Variants in CCT3 observed in about 807,000 individuals in gnomAD.
CCT3 encodes chaperonin containing TCP1 subunit 3, also known as T-complex protein 1 subunit gamma.
A neutral mutation model predicts 65.3 loss-of-function variants in CCT3; 10 were observed. The observed-to-expected ratio is 0.15, with a 90% CI of 0.09 to 0.26. CCT3 has a LOEUF of 0.26. Among genes scored for constraint, CCT3 ranks in the 10% least tolerant of loss-of-function variants. The pLI, the probability that CCT3 is intolerant of heterozygous loss-of-function variation, is 1.00. For synonymous variants in CCT3, 225 were observed against 242.3 expected (o/e 0.93, Z 0.66); for missense variants, 626 against 708.7 (o/e 0.88, Z 1.33).
chr1:156,332,889 C>G (rs918770055), intron 5 of CCT3: 1 of 152,478 alleles, frequency 6.6e-6, no homozygotes, highest in African/African-American at 2.4e-5. Context: ...TGAAGACAAA[C>G]ACATACAATA....
At chr1:156,310,846 AATAGACT>A in intron 12 of CCT3, 97 bp downstream of exon 12, 1 of 1,485,508 alleles carries the variant, frequency 6.7e-7, no homozygotes, top group Middle Eastern at 1.8e-4. Context: ...GATTTCAAGG[AATAGACT>A]ATAAAGAGAA....
intron 5 of CCT3, among the ~76,000 whole-genome samples, chr1:156,328,804 T>A (rs374511726): frequency 1.3e-5 from 2 of 151,908 alleles, no homozygotes; most frequent in Non-Finnish European, 2.9e-5. Context: ...ACTATTGTCC[T>A]ATGACCCTGC....
chr1:156,331,220 G>A (rs1330407943), intron 5 of CCT3, among the ~76,000 whole-genome samples: 1 of 151,998 alleles, frequency 6.6e-6, no homozygotes, highest in Non-Finnish European at 1.5e-5. Context: ...GACACAGCAA[G>A]ACTCCATCTC....
At chr1:156,337,862 G>A in intron 1 of CCT3, 1 of 502,422 alleles carries the variant, frequency 2.0e-6, no homozygotes, top group Non-Finnish European at 3.5e-6. Flanking sequence ...GGGCGCAGGG[G>A]CGGGGGAAGC....
At chr1:156,331,276 C>A (rs1262077220) in intron 5 of CCT3, among the ~76,000 whole-genome samples, 4 of 151,772 alleles carry the variant, frequency 2.6e-5, no homozygotes, top group African/African-American at 4.8e-5. Flanking sequence ...ATTGCTTGAG[C>A]CCAGGAGTTT....
At chr1:156,334,831 A>T in intron 3 of CCT3, 37 bp downstream of exon 3, 1 of 1,613,950 alleles carries the variant, frequency 6.2e-7, no homozygotes, top group Non-Finnish European at 8.5e-7. Context: ...GAAGAAAAAA[A>T]TTGTAGCCTA....
intron 4 of CCT3, among the ~76,000 whole-genome samples, chr1:156,334,026 TCAGGAGTTCGAGACCAG>T (rs1424957142): frequency 6.6e-6 from 1 of 152,020 alleles, no homozygotes; most frequent in Non-Finnish European, 1.5e-5. Context: ...TCGCCTGAGG[TCAGGAGTTCGAGACCAG>T]CCTGGCCAAC....
chr1:156,328,045 TC>T (rs1167517569), intron 5 of CCT3, among the ~76,000 whole-genome samples: 145 of 4,586 alleles, frequency 0.032, 16 homozygotes, highest in Middle Eastern at 0.5. Context: ...GAGGTGGGGG[TC>T]CAGCCGCCCC....
rs983025398 is a variant in CCT3 at position 156,321,029 on chromosome 1, G to A, written c.423-4C>T. ...GTCACTGATGTCGACTGGGATACTA[G>A]AGAAAAGAAAACCAGACGATATGTG... On this transcript the variant is annotated splice_region_variant and splice_polypyrimidine_tract_variant and intron_variant, in intron 6 of 13. Coordinates refer to ENST00000295688, the MANE Select transcript of CCT3 (RefSeq NM_005998.5). The A allele has an allele frequency of 1.2e-6, 2 of 1,610,434 alleles. No homozygotes were observed. The highest frequency in any genetic ancestry group is 1.3e-5 in the African/African-American group (1 of 74,846).
chr1:156,336,595 G>C lies in CCT3; in HGVS notation c.32-707C>G, dbSNP rs140009327. On this transcript the variant is annotated intron_variant, in intron 1 of 13. Transcript: ENST00000295688. The stretch of plus-strand genomic sequence containing the variant: ...AGAACTGACTACATACTTTAACTGG[G>C]AGGCTAATCGGTCACAGCCAACTAA... Among the ~76,000 whole-genome samples the C allele has an allele frequency of 3.6e-4, 55 of 152,318 alleles. 1 individual carries two copies. The East Asian group carries it at 0.01, about 29-fold the overall frequency.
At position 156,317,429 on chromosome 1, in the gene CCT3, T is replaced by A. The variant is rs1445519720; in HGVS notation, c.878A>T (p.Glu293Val). The change falls in exon 9 of 14, where the codon GAA becomes GTA. Residue 293 changes from glutamate (E) to valine (V), a missense_variant. Glu to Val is a moderately radical substitution (Grantham distance 121). Transcript: ENST00000295688. ...CAAAGTCCCACCTGAGATGCCCTTT[T>A]CAGTGATGACCACATCGGGCTTCAG... is the stretch of plus-strand genomic sequence containing the variant. ...IQLKPDVVIT[E>V]KGISDLAQHY... The A allele has an allele frequency of 6.2e-7, 1 of 1,611,278 alleles. No individual in the cohort carries two copies. The highest frequency in any genetic ancestry group is 2.2e-5 in the East Asian group (1 of 44,806).
chr1:156,319,115 G>GTTTTTT, intron 7 of CCT3, 98 bp from the exon 8 acceptor site: 2 of 778,254 alleles, frequency 2.6e-6, no homozygotes, highest in East Asian at 3.3e-5. Context: ...AGTGTTTCAG[G>GTTTTTT]TTTTTTTTTT....
At chr1:156,334,837 G>C (rs775147841) in intron 3 of CCT3, 31 bp downstream of exon 3, 2 of 1,613,696 alleles carry the variant, frequency 1.2e-6, no homozygotes, top group Admixed American at 3.3e-5. Flanking sequence ...AAAAATTGTA[G>C]CCTAAGAGTT....
At chr1:156,328,014 G>GC (rs1570931050) in intron 5 of CCT3, among the ~76,000 whole-genome samples, 3 of 135,568 alleles carry the variant, frequency 2.2e-5, no homozygotes, top group Admixed American at 7.4e-5. Context: ...CCTCCGTCCG[G>GC]CAGCCACCCC....
intron 5 of CCT3, among the ~76,000 whole-genome samples, chr1:156,329,054 AATATC>A (rs1664990229): frequency 6.6e-6 from 1 of 152,118 alleles, no homozygotes. Context: ...ATAAGATTAT[AATATC>A]ATATTTTTAC....
At chr1:156,321,059 AG>A (rs748887983) in intron 6 of CCT3, 34 bp from the exon 7 acceptor site, 178 of 1,567,658 alleles carry the variant, frequency 1.1e-4, no homozygotes, top group Non-Finnish European at 1.5e-4. Context: ...TATGTGAAGA[AG>A]GCATGTTAGA....
At chr1:156,321,549 C>T (rs1362879037) in intron 6 of CCT3, among the ~76,000 whole-genome samples, 1 of 152,188 alleles carries the variant, frequency 6.6e-6, no homozygotes, top group Non-Finnish European at 1.5e-5. Context: ...ATTACTTTCA[C>T]TCCTCACAAG....
Position 156,309,107 on chromosome 1 carries a change from G to A in CCT3, c.*92C>T. 1 of 890,282 alleles carries A rather than the reference G, an allele frequency of 1.1e-6. No individual in the cohort carries two copies. Among genetic ancestry groups the A allele is most frequent in the South Asian group, 1.3e-5 (1 of 74,558 alleles). The allele number at this position is 890,282 out of a possible 1,614,324, so 55.1% of individuals were successfully genotyped here. A position where few individuals can be genotyped will look rare whatever the true frequency, so the allele number is the denominator to read the frequency against. ...GCTGCCCCCCAACCTGATCCCTTCT[G>A]AACAAAGACGTCCACAGTGTTCCTG... is the stretch of plus-strand genomic sequence containing the variant. On this transcript the variant is annotated 3_prime_UTR_variant, in exon 14 of 14. Transcript: ENST00000295688.
chr1:156,331,946 C>T (rs972513836), intron 5 of CCT3, among the ~76,000 whole-genome samples: 24 of 152,064 alleles, frequency 1.6e-4, no homozygotes, highest in African/African-American at 4.6e-4. Flanking sequence ...GCAGGAGAAT[C>T]GCTCGAACCC....
Sources: allele counts gnomAD v4.1 joint callset (sites outside exome capture counted in the v4.1 genomes callset), GRCh38; gene constraint gnomAD v4.1.1; transcripts MANE v1.5; gene names NCBI Gene and HGNC (gene_info 2026-07-23, HGNC 2026-07-21).